The following CACNB2 variants were observed in gnomAD, a reference collection of about 807,000 sequenced individuals.
CACNB2 encodes calcium voltage-gated channel auxiliary subunit beta 2, also known as voltage-dependent L-type calcium channel subunit beta-2.
In CACNB2, 42 loss-of-function variants were observed where a neutral mutation model predicts 73.3. That is an observed-to-expected ratio of 0.57 (90% CI 0.45 to 0.74). CACNB2 has a LOEUF of 0.74. Ranked by LOEUF, CACNB2 falls within the 30% of genes least tolerant of loss-of-function variation. The pLI is 0.00. For synonymous variants in CACNB2, 348 were observed against 310.3 expected (o/e 1.12, Z -1.28); for missense variants, 940 against 853.0 (o/e 1.10, Z -1.27).
intron 2 of CACNB2, among the ~76,000 whole-genome samples, chr10:18,352,358 A>G (rs2041745534): frequency 1.3e-5 from 2 of 152,260 alleles, no homozygotes; most frequent in Non-Finnish European, 2.9e-5. Flanking sequence ...ATACAGGGCT[A>G]TGAAGATAGC....
At chr10:18,321,111 A>T (rs917448194) in intron 2 of CACNB2, among the ~76,000 whole-genome samples, 1 of 152,226 alleles carries the variant, frequency 6.6e-6, no homozygotes, top group African/African-American at 2.4e-5. Context: ...GAGAATTGAG[A>T]AAGCAGAAAT....
rs1491280088 is a variant in CACNB2, at chr10:18,499,616, A to AG, written c.456+1140dup. 1.2e-4 allele frequency among the ~76,000 whole-genome samples: 7 copies of AG among 57,500 alleles called. No homozygotes were observed. The East Asian group carries it at 2.7e-3, about 22-fold the overall frequency. The allele number at this position is 57,500 out of a possible 152,430, so 37.7% of individuals were successfully genotyped here. ...GCGACAGAGTGAGATTCTGTCTCAA[A>AG]GAAAAAAAAAAAAAAAAAAAAAAGA... On this transcript the variant is annotated intron_variant, in intron 4 of 13. Coordinates refer to ENST00000324631, the MANE Select transcript of CACNB2 (RefSeq NM_201596.3).
chr10:18,480,185 A>G (rs768316680), intron 3 of CACNB2, among the ~76,000 whole-genome samples: 3 of 152,204 alleles, frequency 2.0e-5, no homozygotes, highest in African/African-American at 2.4e-5. Flanking sequence ...GGTTTTTTGA[A>G]GGGGTTCCCA....
chr10:18,193,603 G>C (rs1001116690), intron 2 of CACNB2, among the ~76,000 whole-genome samples: 3 of 152,140 alleles, frequency 2.0e-5, no homozygotes, highest in African/African-American at 7.2e-5. Flanking sequence ...GCCAGCATCT[G>C]AGCTCCCCAC....
intron 2 of CACNB2, among the ~76,000 whole-genome samples, chr10:18,289,002 A>G (rs911800438): frequency 7.9e-5 from 12 of 152,142 alleles, no homozygotes; most frequent in Non-Finnish European, 1.5e-4. Flanking sequence ...CCAAGATGGC[A>G]TCACTGCACT....
chr10:18,182,638 G>A (rs547278272), intron 2 of CACNB2, among the ~76,000 whole-genome samples: 1 of 151,586 alleles, frequency 6.6e-6, no homozygotes, highest in African/African-American at 2.4e-5. Flanking sequence ...CCTGGGCAAC[G>A]TGGTAAAACC....
At chr10:18,463,388 G>C (rs1052385234) in intron 3 of CACNB2, among the ~76,000 whole-genome samples, 1 of 151,552 alleles carries the variant, frequency 6.6e-6, no homozygotes, top group Non-Finnish European at 1.5e-5. Context: ...TGTGTTCTTT[G>C]TTTCTCACCT....
intron 2 of CACNB2, chr10:18,400,930 G>A: frequency 6.3e-7 from 1 of 1,587,340 alleles, no homozygotes; most frequent in Non-Finnish European, 8.6e-7. Context: ...GGCTTGCCCA[G>A]AGCATGGATA....
At chr10:18,325,501 C>G (rs1295536593) in intron 2 of CACNB2, among the ~76,000 whole-genome samples, 1 of 151,598 alleles carries the variant, frequency 6.6e-6, no homozygotes, top group African/African-American at 2.4e-5. Context: ...CAGATGAAAC[C>G]TAGTCTGTCT....
intron 3 of CACNB2, among the ~76,000 whole-genome samples, chr10:18,448,491 AAAAAAAAAAAG>A (rs2046851221): frequency 6.6e-6 from 1 of 151,166 alleles, no homozygotes; most frequent in Non-Finnish European, 1.5e-5. Context: ...AAAAAAAAAA[AAAAAAAAAAAG>A]AAAAGAAAAG....
chr10:18,296,719 T>C (rs1343458620), intron 2 of CACNB2, among the ~76,000 whole-genome samples: 2 of 152,228 alleles, frequency 1.3e-5, no homozygotes, highest in East Asian at 3.8e-4. Context: ...AAGTCATCAG[T>C]TCCTATCTCA....
chr10:18,346,981 A>T (rs758548183), intron 2 of CACNB2, among the ~76,000 whole-genome samples: 5 of 152,134 alleles, frequency 3.3e-5, no homozygotes, highest in African/African-American at 7.2e-5. Context: ...CTGCCAACAC[A>T]CAAAATAGAC....
intron 2 of CACNB2, chr10:18,257,006 C>T (rs2131579106): frequency 6.6e-6 from 1 of 152,282 alleles, no homozygotes; most frequent in South Asian, 2.1e-4. Flanking sequence ...TAATTGGAAT[C>T]AGAGCAAAAG....
chr10:18,175,435 G>C (rs1370994045), intron 2 of CACNB2, among the ~76,000 whole-genome samples: 1 of 151,964 alleles, frequency 6.6e-6, no homozygotes, highest in African/African-American at 2.4e-5. Context: ...TATTGGGTCA[G>C]AATAAAAACA....
At chr10:18,520,940 G>A (rs1182316412) in intron 9 of CACNB2, among the ~76,000 whole-genome samples, 1 of 151,914 alleles carries the variant, frequency 6.6e-6, no homozygotes, top group African/African-American at 2.4e-5. Flanking sequence ...TACTATTTTT[G>A]TTTATTGTCA....
chr10:18,212,499 A>G (rs546622090), intron 2 of CACNB2, among the ~76,000 whole-genome samples: 2 of 152,152 alleles, frequency 1.3e-5, no homozygotes, highest in African/African-American at 4.8e-5. Context: ...GAATATGAGT[A>G]CCAAGTTGTG....
At chr10:18,535,551 T>G (rs1011994359) in intron 11 of CACNB2, among the ~76,000 whole-genome samples, 4 of 151,902 alleles carry the variant, frequency 2.6e-5, no homozygotes, top group African/African-American at 9.7e-5. Context: ...GGTGGGAGGA[T>G]CATGAGGTCA....
intron 2 of CACNB2, among the ~76,000 whole-genome samples, chr10:18,399,561 C>T (rs1044489857): frequency 1.3e-5 from 2 of 151,812 alleles, no homozygotes; most frequent in Admixed American, 6.6e-5. Context: ...GGGAGGAAGA[C>T]TTTTTGAGAT....
intron 6 of CACNB2, among the ~76,000 whole-genome samples, chr10:18,508,129 C>T (rs1410204815): frequency 6.6e-6 from 1 of 150,918 alleles, no homozygotes; most frequent in Non-Finnish European, 1.5e-5. Context: ...AACCATTGTT[C>T]TGTTTATATA....
Sources: allele counts gnomAD v4.1 joint callset (sites outside exome capture counted in the v4.1 genomes callset), GRCh38; gene constraint gnomAD v4.1.1; transcripts MANE v1.5; gene names NCBI Gene and HGNC (gene_info 2026-07-23, HGNC 2026-07-21).